The following RBMS3 variants were observed in gnomAD, a reference collection of about 807,000 sequenced individuals.
The protein encoded by RBMS3 is RNA-binding motif, single-stranded-interacting protein 3.
RBMS3 carries 27 observed loss-of-function variants against 66.8 expected under a neutral mutation model. The observed-to-expected ratio is 0.40, with a 90% CI of 0.30 to 0.56. The LOEUF is 0.56. RBMS3 is among the 20% of genes least tolerant of loss of function. RBMS3 has a pLI of 0.40. For missense variants in RBMS3, 513 were observed against 549.5 expected (o/e 0.93, Z 0.66); for synonymous variants, 188 against 183.0 (o/e 1.03, Z -0.22).
intron 6 of RBMS3, among the ~76,000 whole-genome samples, chr3:29,815,771 C>T (rs987865586): frequency 1.3e-5 from 2 of 151,206 alleles, no homozygotes; most frequent in Admixed American, 6.6e-5. Flanking sequence ...TAATGGACTT[C>T]GAGGACTCAA....
chr3:29,829,034 CTTTCTTTCT>C, intron 6 of RBMS3, among the ~76,000 whole-genome samples: 1 of 45,088 alleles, frequency 2.2e-5, no homozygotes, highest in East Asian at 2.9e-4. Context: ...TTCTTTCTTT[CTTTCTTTCT>C]TTCTTTTGTT....
intron 6 of RBMS3, among the ~76,000 whole-genome samples, chr3:29,864,653 G>A (rs1376001577): frequency 6.6e-6 from 1 of 152,144 alleles, no homozygotes; most frequent in African/African-American, 2.4e-5. Context: ...GTGGCTGACA[G>A]AGATTCTAAT....
chr3:29,319,313 AG>A (rs2034872329), intron 1 of RBMS3, among the ~76,000 whole-genome samples: 1 of 152,012 alleles, frequency 6.6e-6, no homozygotes, highest in Non-Finnish European at 1.5e-5. Context: ...AAGTAAAGGC[AG>A]GACTCATTTC....
chr3:29,518,724 T>G (rs1441080662), intron 3 of RBMS3, among the ~76,000 whole-genome samples: 1 of 152,262 alleles, frequency 6.6e-6, no homozygotes. Context: ...GTTTGCAATT[T>G]GCTGAAGGCA....
chr3:29,935,270 A>G (rs1304780521), intron 10 of RBMS3, among the ~76,000 whole-genome samples: 1 of 152,154 alleles, frequency 6.6e-6, no homozygotes, highest in African/African-American at 2.4e-5. Flanking sequence ...ACCATATGAC[A>G]CTTTGCATAT....
chr3:29,927,064 T>C (rs974662385), intron 10 of RBMS3: 1 of 152,224 alleles, frequency 6.6e-6, no homozygotes. Context: ...GGAAATCATG[T>C]CGTGAACTCC....
chr3:29,643,107 G>A (rs1383403275), intron 4 of RBMS3, among the ~76,000 whole-genome samples: 1 of 152,030 alleles, frequency 6.6e-6, no homozygotes, highest in Non-Finnish European at 1.5e-5. Flanking sequence ...TTTGATTCTT[G>A]GAACACTTTT....
rs563064156 is a variant in RBMS3 at position 30,005,525 on chromosome 3, G to C, written c.*1663G>C. 5.3e-5 allele frequency: 8 copies of C among 151,952 alleles called. 1 individual carries two copies. In the East Asian group the frequency reaches 9.7e-4, roughly 18 times the overall value. 9.4% of individuals were successfully genotyped at this position (151,952 alleles called of 1,614,324 possible). ...TGTCAAAAAAGCTTAGGGATATTCTGTGAAATGGTGAGTGGTCTCCTGGAA... is the reference window on the plus strand; with the variant it reads ...TGTCAAAAAAGCTTAGGGATATTCTCTGAAATGGTGAGTGGTCTCCTGGAA... On this transcript the variant is annotated 3_prime_UTR_variant, in exon 15 of 15. Transcript: ENST00000383767.
chr3:29,310,507 A>ATT (rs71295054), intron 1 of RBMS3, among the ~76,000 whole-genome samples: 117 of 148,940 alleles, frequency 7.9e-4, no homozygotes, highest in South Asian at 6.1e-3. Context: ...AATCTTCTGT[A>ATT]TTTTTTTTTT....
chr3:29,290,288 G>C (rs2125422364), intron 1 of RBMS3, among the ~76,000 whole-genome samples: 1 of 151,928 alleles, frequency 6.6e-6, no homozygotes, highest in East Asian at 1.9e-4. Flanking sequence ...GTATTTAAGA[G>C]ACTTGGAATG....
At chr3:29,515,375 T>G (rs2044580730) in intron 3 of RBMS3, among the ~76,000 whole-genome samples, 1 of 152,072 alleles carries the variant, frequency 6.6e-6, no homozygotes, top group South Asian at 2.1e-4. Flanking sequence ...CGTCTTATGG[T>G]GAAGGGTCTT....
At chr3:29,395,525 T>C (rs900404899) in intron 1 of RBMS3, among the ~76,000 whole-genome samples, 9 of 152,354 alleles carry the variant, frequency 5.9e-5, no homozygotes, top group Non-Finnish European at 1.2e-4. Context: ...TGGAGAGTGC[T>C]ATGATGCTTC....
Position 29,845,775 on chromosome 3 carries a change from T to C in RBMS3, c.638-23083T>C, listed in dbSNP as rs553403348. Among the ~76,000 whole-genome samples the C allele has an allele frequency of 2.3e-4, 35 of 152,280 alleles. No homozygotes were observed. The East Asian group carries it at 6.4e-3, about 28-fold the overall frequency. ...TAATTTCAGGTTCGAATAATTCCTA[T>C]GAATTTATTTTAAAAAGGAGGATTT... On this transcript the variant is annotated intron_variant, in intron 6 of 14. Transcript: ENST00000383767.
At chr3:29,338,841 C>G (rs2036115105) in intron 1 of RBMS3, among the ~76,000 whole-genome samples, 1 of 152,052 alleles carries the variant, frequency 6.6e-6, no homozygotes, top group Admixed American at 6.6e-5. Flanking sequence ...AGCTATTACT[C>G]CAGACTTCTG....
chr3:29,864,640 G>C (rs111725890), intron 6 of RBMS3, among the ~76,000 whole-genome samples: 1 of 152,112 alleles, frequency 6.6e-6, no homozygotes, highest in Admixed American at 6.6e-5. Flanking sequence ...TGGGAACTGG[G>C]AAGTGGCTGA....
intron 1 of RBMS3, among the ~76,000 whole-genome samples, chr3:29,329,083 A>T (rs1431647819): frequency 2.6e-5 from 4 of 152,162 alleles, no homozygotes; most frequent in Non-Finnish European, 5.9e-5. Flanking sequence ...ATTAAGGTTC[A>T]GTGTTTAATG....
In RBMS3 at chr3:29,661,310, G is replaced by A. The variant is rs116969061; in HGVS notation, c.399+74105G>A. 7.4e-3 allele frequency among the ~76,000 whole-genome samples: 1,131 copies of A among 152,190 alleles called. 33 individuals carry two copies. Among genetic ancestry groups the A allele is most frequent in the Admixed American group, 0.061 (930 of 15,268 alleles). Reference sequence around the variant, plus strand: ...CCTTCCCAGAATCCCCTATCTGCTGGTTGTGTATAGAATCTCTTTGAGCTG... The same window carrying A: ...CCTTCCCAGAATCCCCTATCTGCTGATTGTGTATAGAATCTCTTTGAGCTG... On this transcript the variant is annotated intron_variant, in intron 4 of 14. Transcript: ENST00000383767.
chr3:29,651,136 T>C (rs1193909413), intron 4 of RBMS3, among the ~76,000 whole-genome samples: 4 of 152,182 alleles, frequency 2.6e-5, no homozygotes, highest in Admixed American at 2.6e-4. Context: ...CATCTTCAGA[T>C]CAACAACAAA....
chr3:29,316,455 G>A (rs1165185410), intron 1 of RBMS3, among the ~76,000 whole-genome samples: 1 of 151,562 alleles, frequency 6.6e-6, no homozygotes, highest in Non-Finnish European at 1.5e-5. Flanking sequence ...ACTTCATATG[G>A]TAGTTACTAT....
Sources: allele counts gnomAD v4.1 joint callset (sites outside exome capture counted in the v4.1 genomes callset), GRCh38; gene constraint gnomAD v4.1.1; transcripts MANE v1.5; gene names NCBI Gene and HGNC (gene_info 2026-07-23, HGNC 2026-07-21).